The following ESR1 variants were observed in gnomAD, a reference collection of about 807,000 sequenced individuals.
The protein encoded by ESR1 is estrogen receptor.
Under a neutral mutation model 52.7 loss-of-function variants are expected in ESR1, and 12 were observed. The observed-to-expected ratio is 0.23, with a 90% CI of 0.15 to 0.37. The LOEUF (loss-of-function observed/expected upper bound fraction) is 0.37. Among genes scored for constraint, ESR1 ranks in the 10% least tolerant of loss-of-function variants. The pLI, the probability that ESR1 is intolerant of heterozygous loss-of-function variation, is 1.00. For synonymous variants in ESR1, 305 were observed against 316.8 expected (o/e 0.96, Z 0.39); for missense variants, 584 against 779.7 (o/e 0.75, Z 2.99).
At chr6:151,796,444 G>A (rs1276637081) in intron 2 of ESR1, among the ~76,000 whole-genome samples, 1 of 152,142 alleles carries the variant, frequency 6.6e-6, no homozygotes, top group African/African-American at 2.4e-5. Context: ...AGGCAGAGGT[G>A]AAAGATTTTC....
intron 6 of ESR1, among the ~76,000 whole-genome samples, chr6:152,072,137 A>G (rs2048402413): frequency 6.6e-6 from 1 of 152,268 alleles, no homozygotes. Flanking sequence ...GAATTTCTAC[A>G]TAGATCCTAT....
At chr6:151,770,901 A>C (rs1785457631) in intron 2 of ESR1, among the ~76,000 whole-genome samples, 3 of 152,190 alleles carry the variant, frequency 2.0e-5, no homozygotes. Context: ...AAGAAACTAA[A>C]AGTGTTCAGA....
At chr6:151,770,821 AC>A (rs1785451884) in intron 2 of ESR1, among the ~76,000 whole-genome samples, 1 of 152,166 alleles carries the variant, frequency 6.6e-6, no homozygotes, top group Non-Finnish European at 1.5e-5. Flanking sequence ...CTAGAAATCT[AC>A]CTAATCTATC....
chr6:152,118,544 A>G (rs2051235952), intron 6 of ESR1: 1 of 151,490 alleles, frequency 6.6e-6, no homozygotes. Flanking sequence ...TGGGAGACGA[A>G]CAATGAGAAC....
intron 1 of ESR1, among the ~76,000 whole-genome samples, chr6:151,829,390 C>T (rs1782017607): frequency 6.6e-6 from 1 of 152,118 alleles, no homozygotes; most frequent in Non-Finnish European, 1.5e-5. Context: ...TTTCCTTTCT[C>T]TGTCTGTTTT....
At chr6:151,919,452 T>C (rs2031123378) in intron 3 of ESR1, among the ~76,000 whole-genome samples, 1 of 152,186 alleles carries the variant, frequency 6.6e-6, no homozygotes, top group Admixed American at 6.5e-5. Flanking sequence ...AATAGTGTTT[T>C]TAGTGGTCTT....
intron 4 of ESR1, among the ~76,000 whole-genome samples, chr6:151,984,497 C>G (rs1399596058): frequency 6.6e-6 from 1 of 152,110 alleles, no homozygotes; most frequent in African/African-American, 2.4e-5. Flanking sequence ...CTCGTATGTA[C>G]AAATGCAGAA....
intron 2 of ESR1, among the ~76,000 whole-genome samples, chr6:151,755,235 CA>C (rs1784195342): frequency 6.8e-6 from 1 of 148,106 alleles, no homozygotes; most frequent in Admixed American, 6.6e-5. Flanking sequence ...AAACCAAAAC[CA>C]AAACCAAAAA....
intron 6 of ESR1, among the ~76,000 whole-genome samples, chr6:152,090,044 G>A (rs3778093): frequency 0.11 from 17,171 of 152,208 alleles, 1,217 homozygotes; most frequent in East Asian, 0.33. Flanking sequence ...CAAACACCCT[G>A]TTAGGGACAG....
intron 6 of ESR1, chr6:152,122,525 C>T (rs2051643550): frequency 6.2e-7 from 1 of 1,614,086 alleles, no homozygotes; most frequent in Non-Finnish European, 8.5e-7. Flanking sequence ...TAGTCTTCCT[C>T]TGACATTGGT....
intron 1 of ESR1, among the ~76,000 whole-genome samples, chr6:151,825,428 A>T (rs1781315321): frequency 6.6e-6 from 1 of 152,244 alleles, no homozygotes; most frequent in African/African-American, 2.4e-5. Context: ...TATAGGTCAG[A>T]TAACTAACTG....
In ESR1 at chr6:151,714,583, T is replaced by C. The variant is rs1333247672; in HGVS notation, c.-71+12578T>C. Reference sequence around the variant, plus strand: ...TCTCGTTGCATTGATACCTTTACCATTATGTAATGCCCTTCTTTGTCTTTT... The same window carrying C: ...TCTCGTTGCATTGATACCTTTACCACTATGTAATGCCCTTCTTTGTCTTTT... On this transcript the variant is annotated intron_variant, in intron 2 of 2. Coordinates refer to the ESR1 transcript ENST00000404742. Among the ~76,000 whole-genome samples, 4 of 152,228 alleles carry C rather than the reference T, an allele frequency of 2.6e-5. No individual in the cohort carries two copies. The South Asian group carries it at 6.2e-4, about 24-fold the overall frequency.
At chr6:151,709,947 GTTTTA>G (rs1301724601) in intron 2 of ESR1, among the ~76,000 whole-genome samples, 3 of 150,868 alleles carry the variant, frequency 2.0e-5, no homozygotes, top group East Asian at 3.9e-4. Flanking sequence ...AAATTTCTAT[GTTTTA>G]TTTTATTATT....
chr6:152,002,185 A>AGT (rs10578838), intron 4 of ESR1, among the ~76,000 whole-genome samples: 6,003 of 141,400 alleles, frequency 0.042, 149 homozygotes, highest in Admixed American at 0.055. Flanking sequence ...TTTTAAATCA[A>AGT]GTGTGTGTGT....
chr6:152,010,249 C>T (rs1171683587), intron 4 of ESR1, among the ~76,000 whole-genome samples: 1 of 152,006 alleles, frequency 6.6e-6, no homozygotes, highest in Admixed American at 6.6e-5. Context: ...GCTTTTGTTA[C>T]CTCCAAGAAC....
chr6:151,716,200 G>A (rs1441641482), intron 2 of ESR1, among the ~76,000 whole-genome samples: 1 of 152,128 alleles, frequency 6.6e-6, no homozygotes, highest in Admixed American at 6.5e-5. Context: ...CCTTCCTCTG[G>A]AAGCTTTGTC....
intron 4 of ESR1, among the ~76,000 whole-genome samples, chr6:151,974,262 C>A (rs2039213685): frequency 6.6e-6 from 1 of 152,156 alleles, no homozygotes; most frequent in South Asian, 2.1e-4. Flanking sequence ...GTGGCGCCAA[C>A]TCTTATTGAG....
intron 1 of ESR1, among the ~76,000 whole-genome samples, chr6:151,679,120 T>A (rs1778363122): frequency 6.6e-6 from 1 of 152,186 alleles, no homozygotes; most frequent in African/African-American, 2.4e-5. Flanking sequence ...TAAACAGAAG[T>A]ATGAATTGCC....
At chr6:151,827,771 A>G (rs1001382704) in intron 1 of ESR1, among the ~76,000 whole-genome samples, 1 of 152,240 alleles carries the variant, frequency 6.6e-6, no homozygotes. Context: ...TGGATGTGAC[A>G]TGAGAGAGGA....
Sources: gnomAD v4.1 joint callset for allele counts (sites outside exome capture counted in the v4.1 genomes callset) on GRCh38, gnomAD v4.1.1 for gene constraint, MANE v1.5 for transcripts, NCBI Gene and HGNC (gene_info 2026-07-23, HGNC 2026-07-21) for gene names.